LIPJ: variants seen among roughly 807,000 people sequenced by gnomAD.
LIPJ encodes the protein lipase member J.
In LIPJ, 33 loss-of-function variants were observed where a neutral mutation model predicts 39.8. The observed-to-expected ratio is 0.83, with a 90% CI of 0.63 to 1.11. The LOEUF (loss-of-function observed/expected upper bound fraction) is 1.11, where lower values mean the gene tolerates loss of function less well. Among genes scored for constraint, LIPJ ranks in the 50% least tolerant of loss-of-function variants. The pLI is 0.00. For missense variants in LIPJ, 422 were observed against 427.9 expected, an observed-to-expected ratio of 0.99 and a Z score of 0.12; for synonymous variants, 128 against 139.2, an observed-to-expected ratio of 0.92 and a Z score of 0.57.
At chr10:88,613,726 G>A in the LIPJ span, among the ~76,000 whole-genome samples, 6 of 132,890 alleles carry the variant, frequency 4.5e-5, no homozygotes, top group African/African-American at 1.7e-4. Flanking sequence ...TCCTGGTGAT[G>A]AAACTAAAGG....
chr10:88,611,112 A>G (rs1291724959), downstream of LIPJ, among the ~76,000 whole-genome samples: 5 of 152,180 alleles, frequency 3.3e-5, no homozygotes, highest in Non-Finnish European at 5.9e-5. Context: ...ACTCCCCAGT[A>G]CCAGCCTAGA....
intron 8 of LIPJ, 101 bp downstream of exon 8, chr10:88,597,037 CCA>C: frequency 3.1e-6 from 2 of 655,128 alleles, no homozygotes; most frequent in Non-Finnish European, 5.1e-6. Flanking sequence ...TGTGTTTCAT[CCA>C]CATACACTAG....
chr10:88,620,832 A>G, the LIPJ span, among the ~76,000 whole-genome samples: 3,050 of 152,246 alleles, frequency 0.02, 50 homozygotes, highest in Non-Finnish European at 0.03. Flanking sequence ...AAACAGTAGA[A>G]TTTATTTCTC....
upstream of LIPJ, chr10:88,583,840 A>G (rs1369879331): frequency 2.0e-6 from 1 of 507,410 alleles, no homozygotes; most frequent in Non-Finnish European, 2.5e-6. Context: ...CAGTTGATTC[A>G]TCAGAAAATT....
At chr10:88,616,736 TCTCTG>T in the LIPJ span, among the ~76,000 whole-genome samples, 10 of 152,296 alleles carry the variant, frequency 6.6e-5, no homozygotes, top group East Asian at 1.7e-3. Flanking sequence ...GGCTGCCTGC[TCTCTG>T]GCCTGGAGAA....
chr10:88,596,919 C>A (rs746288890), exon 8 of LIPJ: 1 of 1,528,742 alleles, frequency 6.5e-7, no homozygotes, highest in African/African-American at 1.4e-5. Context: ...TGGATATGAC[C>A]CAAAAAACTT....
At chr10:88,591,453 C>T in exon 4 of LIPJ, 1 of 1,601,350 alleles carries the variant, frequency 6.2e-7, no homozygotes, top group Non-Finnish European at 8.5e-7. Flanking sequence ...TATCCTTGGC[C>T]TTTATAGAAT....
At chr10:88,591,229 C>A in intron 3 of LIPJ, 149 bp from the exon 4 acceptor site, 1 of 513,082 alleles carries the variant, frequency 1.9e-6, no homozygotes, top group South Asian at 3.1e-5. Context: ...CTGTATGAAT[C>A]AGTAAATTAG....
In LIPJ at chr10:88,597,594, G is replaced by A. The variant is rs544183807; in HGVS notation, c.723+658G>A. Among the ~76,000 whole-genome samples the A allele has an allele frequency of 2.6e-5, 4 of 151,996 alleles. No homozygotes were observed. In the South Asian group the frequency reaches 8.3e-4, roughly 32 times the overall value. ...ACCTTTTAAGAGCTTCTCAAAGAGAGCCAATATAGACATTCAAAGAAAGAT... is the reference window on the plus strand; with the variant it reads ...ACCTTTTAAGAGCTTCTCAAAGAGAACCAATATAGACATTCAAAGAAAGAT... On this transcript the variant is annotated intron_variant, in intron 8 of 10. Transcript: ENST00000371939.
chr10:88,596,934 A>G (rs780426848), exon 8 of LIPJ: 2 of 1,462,956 alleles, frequency 1.4e-6, no homozygotes, highest in South Asian at 2.4e-5. Context: ...AAACTTAAAT[A>G]TGGTAAGAAC....
At chr10:88,602,909 T>A (rs1008239852) in intron 9 of LIPJ, among the ~76,000 whole-genome samples, 20 of 152,052 alleles carry the variant, frequency 1.3e-4, no homozygotes, top group African/African-American at 4.3e-4. Context: ...CTGGCCAACA[T>A]GATGAAACCC....
At chr10:88,617,025 T>C in the LIPJ span, among the ~76,000 whole-genome samples, 1 of 152,102 alleles carries the variant, frequency 6.6e-6, no homozygotes, top group African/African-American at 2.4e-5. Flanking sequence ...CTCTCTTCCC[T>C]TCATGGAGTT....
At chr10:88,614,841 GAAAAATATGCT>G in the LIPJ span, among the ~76,000 whole-genome samples, 1 of 152,040 alleles carries the variant, frequency 6.6e-6, no homozygotes, top group Non-Finnish European at 1.5e-5. Flanking sequence ...TGCAAGGATA[GAAAAATATGCT>G]AACGAAATAA....
chr10:88,618,398 T>G, the LIPJ span: 1 of 152,436 alleles, frequency 6.6e-6, no homozygotes, highest in South Asian at 2.1e-4. Flanking sequence ...AGATTCTTCA[T>G]GCAGATGATA....
upstream of LIPJ, chr10:88,583,866 A>G (rs1056480720): frequency 1.2e-5 from 3 of 255,026 alleles, no homozygotes; most frequent in Non-Finnish European, 1.9e-5. Context: ...TTACTCTTCA[A>G]TAAGTTCTAT....
downstream of LIPJ, among the ~76,000 whole-genome samples, chr10:88,609,012 T>C (rs1326303459): frequency 1.3e-5 from 2 of 152,228 alleles, no homozygotes; most frequent in Non-Finnish European, 2.9e-5. Flanking sequence ...CAGAAAATTA[T>C]GTAACCAGGG....
At chr10:88,611,757 G>A (rs1334300345), downstream of LIPJ, among the ~76,000 whole-genome samples, 1 of 152,148 alleles carries the variant, frequency 6.6e-6, no homozygotes, top group African/African-American at 2.4e-5. Context: ...CCTCCAAGAA[G>A]TTTGGGACTA....
intron 6 of LIPJ, among the ~76,000 whole-genome samples, chr10:88,596,001 T>C (rs1564933705): frequency 6.6e-6 from 1 of 151,618 alleles, no homozygotes; most frequent in Non-Finnish European, 1.5e-5. Flanking sequence ...TCAATCTTGC[T>C]CCTAATTTTT....
chr10:88,599,087 C>T (rs1851373767), intron 8 of LIPJ, among the ~76,000 whole-genome samples: 1 of 149,760 alleles, frequency 6.7e-6, no homozygotes, highest in African/African-American at 2.4e-5. Context: ...AATTTCTGTA[C>T]AGGCTATTTA....
Sources: gnomAD v4.1 joint callset for allele counts (sites outside exome capture counted in the v4.1 genomes callset) on GRCh38, gnomAD v4.1.1 for gene constraint, MANE v1.5 for transcripts, NCBI Gene and HGNC (gene_info 2026-07-23, HGNC 2026-07-21) for gene names.